AJAP1: variants seen among roughly 807,000 people sequenced by gnomAD.
AJAP1 encodes adherens junctions associated protein 1.
Under a neutral mutation model 35.0 loss-of-function variants are expected in AJAP1, and 5 were observed. The ratio of observed to expected loss-of-function variants is 0.14; its 90% confidence interval spans 0.07 to 0.30. The LOEUF is 0.30. Among genes scored for constraint, AJAP1 ranks in the 10% least tolerant of loss-of-function variants. AJAP1 has a pLI of 1.00. For synonymous variants in AJAP1, 284 were observed against 249.3 expected (o/e 1.14, Z -1.31); for missense variants, 586 against 571.0 (o/e 1.03, Z -0.27).
intron 5 of AJAP1, among the ~76,000 whole-genome samples, chr1:4,778,884 T>A (rs1363178685): frequency 6.6e-6 from 1 of 152,152 alleles, no homozygotes; most frequent in Non-Finnish European, 1.5e-5. Context: ...CTCTGCCGCG[T>A]CTCTGAGCCT....
At chr1:4,678,839 C>T (rs1456717409) in intron 1 of AJAP1, among the ~76,000 whole-genome samples, 1 of 152,130 alleles carries the variant, frequency 6.6e-6, no homozygotes, top group Non-Finnish European at 1.5e-5. Context: ...TAATCACTAA[C>T]ATTTATTGAC....
chr1:4,749,507 C>G (rs142837596), intron 2 of AJAP1, among the ~76,000 whole-genome samples: 2 of 152,356 alleles, frequency 1.3e-5, no homozygotes, highest in African/African-American at 4.8e-5. Context: ...CCTCTGTCTT[C>G]TCCACTGCCG....
Position 4,712,051 on chromosome 1 carries a change from C to A in AJAP1, c.181C>A (p.Pro61Thr). The change falls in exon 2 of 6, where the codon CCC (proline) becomes ACC (threonine). Residue 61 changes from proline to threonine, a missense_variant. Physicochemically the swap from Pro to Thr is conservative, Grantham distance 38. Transcript: ENST00000378191. Reference sequence around the variant, plus strand: ...CCTGCCGCGGTCGCCGCCCCGGCCGCCCCGGCTGTGGAGTTTTAGGAGTGG... The same window carrying A: ...CCTGCCGCGGTCGCCGCCCCGGCCGACCCGGCTGTGGAGTTTTAGGAGTGG... ...WLLPRSPPRP[P>T]RLWSFRSGQP... 6.3e-7 allele frequency: 1 copy of A among 1,587,702 alleles called. No homozygotes were observed.
At chr1:4,705,872 A>G (rs1351098362) in intron 1 of AJAP1, among the ~76,000 whole-genome samples, 1 of 152,066 alleles carries the variant, frequency 6.6e-6, no homozygotes, top group African/African-American at 2.4e-5. Context: ...AACGGACGCT[A>G]AGCTAAGTGC....
At chr1:4,658,920 G>T (rs78272719) in intron 1 of AJAP1, among the ~76,000 whole-genome samples, 1 of 151,892 alleles carries the variant, frequency 6.6e-6, no homozygotes, top group South Asian at 2.1e-4. Context: ...TTTCTAGCGG[G>T]GGTCGCTGGA....
chr1:4,744,614 C>G (rs911941870), intron 2 of AJAP1, among the ~76,000 whole-genome samples: 1 of 124,928 alleles, frequency 8.0e-6, no homozygotes, highest in African/African-American at 3.1e-5. Context: ...CACACATGCC[C>G]ACATGCATAT....
intron 2 of AJAP1, among the ~76,000 whole-genome samples, chr1:4,740,614 T>C (rs374895711): frequency 6.6e-5 from 10 of 151,606 alleles, no homozygotes; most frequent in African/African-American, 1.7e-4. Context: ...TGAAACCCCG[T>C]CTCTACTAAA....
At chr1:4,679,746 C>A (rs1022160714) in intron 1 of AJAP1, among the ~76,000 whole-genome samples, 1 of 151,408 alleles carries the variant, frequency 6.6e-6, no homozygotes. Flanking sequence ...TGTGTCCTTG[C>A]CTCTTCTTAT....
In AJAP1 at chr1:4,723,293, A is replaced by T. The variant is rs1456316346; in HGVS notation, c.829+10594A>T. On this transcript the variant is annotated intron_variant, in intron 2 of 5. Transcript: ENST00000378191. This position sits in a 1 kb window ranked among gnomAD's most constrained non-coding sequence, Gnocchi z 4.3. ...GCCACCCTGGCGGCCGTCCAAGGGG[A>T]GCGCCTGTGGATACTCCTTGGATTC... is the stretch of plus-strand genomic sequence containing the variant. Among the ~76,000 whole-genome samples the T allele has an allele frequency of 6.6e-6, 1 of 152,116 alleles. No homozygotes were observed. The highest frequency in any genetic ancestry group is 6.5e-5 in the Admixed American group (1 of 15,276).
intron 2 of AJAP1, among the ~76,000 whole-genome samples, chr1:4,728,528 G>A (rs1383595485): frequency 6.6e-6 from 1 of 152,154 alleles, no homozygotes; most frequent in Non-Finnish European, 1.5e-5. Flanking sequence ...AGGGGTGTGA[G>A]CGGCCATCAC....
intron 2 of AJAP1, among the ~76,000 whole-genome samples, chr1:4,757,441 T>C (rs1023366145): frequency 6.6e-6 from 1 of 152,194 alleles, no homozygotes; most frequent in Non-Finnish European, 1.5e-5. Context: ...CTCACTATGA[T>C]GGCAAACGGA....
chr1:4,758,733 G>T (rs969296310), intron 2 of AJAP1, among the ~76,000 whole-genome samples: 1 of 152,134 alleles, frequency 6.6e-6, no homozygotes, highest in African/African-American at 2.4e-5. Flanking sequence ...ATGGAGACAC[G>T]ATCCCACCCA....
At chr1:4,657,153 A>AT (rs1193157381) in intron 1 of AJAP1, among the ~76,000 whole-genome samples, 6 of 152,220 alleles carry the variant, frequency 3.9e-5, no homozygotes, top group African/African-American at 1.4e-4. Flanking sequence ...CATTTTGATA[A>AT]AGGGAGAGAA....
intron 1 of AJAP1, among the ~76,000 whole-genome samples, chr1:4,675,552 C>T (rs1342687077): frequency 6.6e-6 from 1 of 152,214 alleles, no homozygotes; most frequent in Non-Finnish European, 1.5e-5. Context: ...CCTCAGTGTC[C>T]TGCCCCTTGG....
rs894967406 is a variant in AJAP1, at chr1:4,787,317, G to A, written c.*4832G>A. On this transcript the variant is annotated 3_prime_UTR_variant, in exon 6 of 6. Transcript: ENST00000378191. ...AGAGCAGAGCAGAGTGATGGGGCTGGGGGCAGAGAAGGAGAGAGGGGAAGA... is the reference window on the plus strand; with the variant it reads ...AGAGCAGAGCAGAGTGATGGGGCTGAGGGCAGAGAAGGAGAGAGGGGAAGA... The A allele has an allele frequency of 8.0e-5, 17 of 213,572 alleles. No individual in the cohort carries two copies. Among genetic ancestry groups the A allele is most frequent in the Non-Finnish European group, 1.1e-4 (11 of 104,566 alleles). 13.2% of individuals were successfully genotyped at this position (213,572 alleles called of 1,614,324 possible).
At chr1:4,737,952 A>G (rs1415159782) in intron 2 of AJAP1, among the ~76,000 whole-genome samples, 2 of 152,172 alleles carry the variant, frequency 1.3e-5, no homozygotes, top group African/African-American at 2.4e-5. Flanking sequence ...TTTTGCACCC[A>G]TGGTTCCATG....
chr1:4,727,019 C>T (rs79551339), intron 2 of AJAP1, among the ~76,000 whole-genome samples: 27,206 of 152,244 alleles, frequency 0.18, 3,149 homozygotes, highest in Non-Finnish European at 0.26. Context: ...CCCAGCCCCC[C>T]GGCGTGGGCC....
In AJAP1 at chr1:4,774,850, C is replaced by A. The variant is rs112816764; in HGVS notation, c.*59+292C>A. 5.3e-4 allele frequency among the ~76,000 whole-genome samples: 80 copies of A among 152,228 alleles called. 1 individual carries two copies. The highest frequency in any genetic ancestry group is 1.9e-3 in the African/African-American group (78 of 41,538). On this transcript the variant is annotated intron_variant, in intron 5 of 5. Transcript: ENST00000378191. The stretch of plus-strand genomic sequence containing the variant: ...AGTGCCACTCCTTCCCTCAGGAAGG[C>A]CACCACATGCGTGGCCTACGTGGCA...
chr1:4,693,563 G>A lies in AJAP1; in HGVS notation c.30-18337G>A, dbSNP rs553734715. ...TTTTGGGCATCAGGGGACTGGGAGCGGGAGGGGAGGAAGAGTTGCCAGCTC... is the reference window on the plus strand; with the variant it reads ...TTTTGGGCATCAGGGGACTGGGAGCAGGAGGGGAGGAAGAGTTGCCAGCTC... On this transcript the variant is annotated intron_variant, in intron 1 of 5. Transcript: ENST00000378191. This position sits in a 1 kb window ranked among gnomAD's most constrained non-coding sequence, Gnocchi z 4.4. Among the ~76,000 whole-genome samples the A allele has an allele frequency of 3.3e-4, 51 of 152,370 alleles. No homozygotes were observed. The highest frequency in any genetic ancestry group is 1.1e-3 in the African/African-American group (46 of 41,592).
Sources: gnomAD v4.1 joint callset for allele counts (sites outside exome capture counted in the v4.1 genomes callset) on GRCh38, gnomAD v4.1.1 for gene constraint, Gnocchi (gnomAD v3.1) non-coding constraint, MANE v1.5 for transcripts, NCBI Gene and HGNC (gene_info 2026-07-23, HGNC 2026-07-21) for gene names.